The following KLK3 variants were observed in gnomAD, a reference collection of about 807,000 sequenced individuals.
KLK3 encodes prostate-specific antigen.
A neutral mutation model predicts 27.7 loss-of-function variants in KLK3; 23 were observed. The ratio of observed to expected loss-of-function variants is 0.83; its 90% CI spans 0.60 to 1.17. The LOEUF (loss-of-function observed/expected upper bound fraction) is 1.17. Ranked by LOEUF, KLK3 falls within the 50% of genes most tolerant of loss-of-function variation. The probability of loss-of-function intolerance (pLI) is 0.00; values close to 1 mark genes in which losing one functional copy is unlikely to be tolerated. For synonymous variants in KLK3, 142 were observed against 134.2 expected (o/e 1.06, Z -0.40); for missense variants, 322 against 338.1 (o/e 0.95, Z 0.37).
At chr19:50,856,031 A>G (rs1382573244) in intron 1 of KLK3, 2 of 561,924 alleles carry the variant, frequency 3.6e-6, no homozygotes, top group Non-Finnish European at 3.2e-6. Context: ...AAGCCTCTCC[A>G]CCAGCACCAG....
Position 50,856,299 on chromosome 19 carries a change from C to T in KLK3, c.106C>T (p.Gln36Ter), listed in dbSNP as rs747908647. The T allele has an allele frequency of 4.3e-6, 7 of 1,613,344 alleles. No individual in the cohort carries two copies. In the Admixed American group the frequency reaches 8.3e-5, roughly 19 times the overall value. Residue 36 changes from glutamine to a stop codon, truncating the protein, a stop_gained, in exon 2 of 5, where the codon CAA becomes TAA. Coordinates refer to ENST00000326003, the MANE Select transcript of KLK3 (RefSeq NM_001648.2). LOFTEE classifies it high-confidence loss of function. ...AGGCTGGGAGTGCGAGAAGCATTCCCAACCCTGGCAGGTGCTTGTGGCCTC... is the reference window on the plus strand; with the variant it reads ...AGGCTGGGAGTGCGAGAAGCATTCCTAACCCTGGCAGGTGCTTGTGGCCTC... ...VGGWECEKHSQPWQVLVASRG... is the reference protein window; with the variant it reads ...VGGWECEKHS
rs372190695 is a variant in KLK3, at chr19:50,858,496, T to C, written c.531T>C (p.His177=). 37 of 1,614,090 alleles carry C rather than the reference T, an allele frequency of 2.3e-5. 1 individual carries two copies. The Admixed American group carries it at 5.0e-4, about 22-fold the overall frequency. ...TPKKLQCVDL[H]VISNDVCAQV... ...AGAAACTTCAGTGTGTGGACCTCCA[T>C]GTTATTTCCAATGACGTGTGTGCGC... is the stretch of plus-strand genomic sequence containing the variant. Residue 177 remains histidine (H), a synonymous_variant, in exon 4 of 5, where the codon CAT becomes CAC. Transcript: ENST00000326003.
rs548476435 is a variant in KLK3 at position 50,860,098 on chromosome 19, A to G, written c.757A>G (p.Ile253Val). The change falls in exon 5 of 5, where the codon ATC becomes GTC. Residue 253 changes from isoleucine (I) to valine (V), a missense_variant. By Grantham distance (29) the Ile-to-Val change is conservative. Coordinates refer to ENST00000326003, the MANE Select transcript of KLK3 (RefSeq NM_001648.2). ...YTKVVHYRKW[I>V]KDTIVANP The stretch of plus-strand genomic sequence containing the variant: ...CAAGGTGGTGCATTACCGGAAGTGG[A>G]TCAAGGACACCATCGTGGCCAACCC... The G allele has an allele frequency of 6.2e-7, 1 of 1,613,932 alleles. No individual in the cohort carries two copies. The highest frequency in any genetic ancestry group is 1.7e-5 in the Admixed American group (1 of 60,010).
intron 4 of KLK3, 104 bp downstream of exon 4, chr19:50,858,699 C>T (rs897562129): frequency 7.7e-7 from 1 of 1,297,376 alleles, no homozygotes; most frequent in Non-Finnish European, 1.1e-6. Flanking sequence ...CCCCTGCTCC[C>T]CAGCTGTAGC....
chr19:50,856,291 A>C lies in KLK3; in HGVS notation c.98A>C (p.Lys33Thr), dbSNP rs1379720667. The C allele has an allele frequency of 1.2e-6, 2 of 1,613,220 alleles. No individual in the cohort carries two copies. Among genetic ancestry groups the C allele is most frequent in the South Asian group, 2.2e-5 (2 of 91,034 alleles). ...ATTGTGGGAGGCTGGGAGTGCGAGA[A>C]GCATTCCCAACCCTGGCAGGTGCTT... ...SRIVGGWECE[K>T]HSQPWQVLVA... The change falls in exon 2 of 5, where the codon AAG (lysine) becomes ACG (threonine). Residue 33 changes from lysine (K) to threonine (T), a missense_variant. Physicochemically the swap from Lys to Thr is moderately conservative, Grantham distance 78. Transcript: ENST00000326003.
intron 4 of KLK3, chr19:50,859,672 G>A (rs2090172346): frequency 1.0e-5 from 16 of 1,602,740 alleles, no homozygotes; most frequent in Non-Finnish European, 1.3e-5. Context: ...ACAGCATCCT[G>A]CAGATGGTCC....
intron 1 of KLK3, chr19:50,855,372 A>T: frequency 3.7e-6 from 1 of 267,298 alleles, no homozygotes; most frequent in Non-Finnish European, 7.2e-6. Context: ...TCACTGGTCC[A>T]CCTCCTGAGC....
chr19:50,856,480 T>TCTAA, intron 2 of KLK3, 81 bp downstream of exon 2: 1 of 1,519,104 alleles, frequency 6.6e-7, no homozygotes, highest in Non-Finnish European at 8.9e-7. Flanking sequence ...CAGGATAACC[T>TCTAA]CTAAGGCCAG....
Position 50,858,455 on chromosome 19 carries a change from G to C in KLK3, c.494-4G>C. Reference sequence around the variant, plus strand: ...CCACAACAGTGTTTTTGCCTGGCCCGTAGTCTTGACCCCAAAGAAACTTCA... The same window carrying C: ...CCACAACAGTGTTTTTGCCTGGCCCCTAGTCTTGACCCCAAAGAAACTTCA... On this transcript the variant is annotated splice_polypyrimidine_tract_variant and splice_region_variant and intron_variant, in intron 3 of 4. Coordinates refer to ENST00000326003, the MANE Select transcript of KLK3 (RefSeq NM_001648.2). 6.2e-7 allele frequency: 1 copy of C among 1,614,176 alleles called. No homozygotes were observed. Among genetic ancestry groups the C allele is most frequent in the Non-Finnish European group, 8.5e-7 (1 of 1,179,998 alleles).
chr19:50,859,021 G>C (rs2090167484), intron 4 of KLK3: 1 of 278,994 alleles, frequency 3.6e-6, no homozygotes, highest in South Asian at 1.1e-4. Flanking sequence ...TGGGGAGTGT[G>C]ACTGGGAGGA....
chr19:50,860,087 A>G lies in KLK3; in HGVS notation c.746A>G (p.Tyr249Cys). The G allele has an allele frequency of 6.2e-7, 1 of 1,614,026 alleles. No individual in the cohort carries two copies. Among genetic ancestry groups the G allele is most frequent in the Non-Finnish European group, 8.5e-7 (1 of 1,179,920 alleles). ...RPSLYTKVVH[Y>C]RKWIKDTIVA... ...TCCCTGTACACCAAGGTGGTGCATT[A>G]CCGGAAGTGGATCAAGGACACCATC... The change falls in exon 5 of 5, where the codon TAC becomes TGC. Residue 249 changes from tyrosine to cysteine, a missense_variant. Transcript: ENST00000326003.
chr19:50,854,917 C>T lies in KLK3; in HGVS notation c.-39C>T, dbSNP rs371797932. 3.4e-5 allele frequency: 55 copies of T among 1,611,662 alleles called. No homozygotes were observed. The highest frequency in any genetic ancestry group is 4.1e-5 in the Non-Finnish European group (48 of 1,178,196). ...AGGGCTCCTGGGGGAGGCTCCCCAG[C>T]CCCAAGCTTACCACCTGCACCCGGA... On this transcript the variant is annotated 5_prime_UTR_variant, in exon 1 of 5. Transcript: ENST00000326003.
rs139911579 is a variant in KLK3, at chr19:50,856,286, C to G, written c.93C>G (p.Cys31Trp). The change falls in exon 2 of 5, where the codon TGC becomes TGG. Residue 31 changes from cysteine to tryptophan, a missense_variant. Cys to Trp is a radical substitution (Grantham distance 215, BLOSUM62 -2). Coordinates refer to ENST00000326003, the MANE Select transcript of KLK3 (RefSeq NM_001648.2). Reference sequence around the variant, plus strand: ...CTCGGATTGTGGGAGGCTGGGAGTGCGAGAAGCATTCCCAACCCTGGCAGG... The same window carrying G: ...CTCGGATTGTGGGAGGCTGGGAGTGGGAGAAGCATTCCCAACCCTGGCAGG... ...ILSRIVGGWE[C>W]EKHSQPWQVL... The G allele has an allele frequency of 1.2e-6, 2 of 1,613,122 alleles. No homozygotes were observed. The highest frequency in any genetic ancestry group is 3.3e-5 in the Admixed American group (2 of 60,002).
Position 50,856,301 on chromosome 19 carries a change from AC to A in KLK3, c.111del (p.Trp38GlyfsTer35). The A allele has an allele frequency of 6.2e-7, 1 of 1,613,322 alleles. No homozygotes were observed. The highest frequency in any genetic ancestry group is 8.5e-7 in the Non-Finnish European group (1 of 1,179,998). ...GCTGGGAGTGCGAGAAGCATTCCCAACCCTGGCAGGTGCTTGTGGCCTCTCG... is the reference window on the plus strand; with the variant it reads ...GCTGGGAGTGCGAGAAGCATTCCCAACCTGGCAGGTGCTTGTGGCCTCTCG... ...GGWECEKHSQ[P>X]WQVLVASRGR... On this transcript the variant is annotated frameshift_variant, in exon 2 of 5. Transcript: ENST00000326003. LOFTEE classifies it high-confidence loss of function.
At chr19:50,856,497 G>A in intron 2 of KLK3, 98 bp downstream of exon 2, 7 of 1,433,230 alleles carry the variant, frequency 4.9e-6, no homozygotes, top group South Asian at 2.6e-5. Context: ...CCAGCCTTGG[G>A]ACTGGGGGAG....
At chr19:50,857,805 C>T in intron 2 of KLK3, 2 of 542,936 alleles carry the variant, frequency 3.7e-6, no homozygotes, top group South Asian at 2.6e-5. Flanking sequence ...TACCCTCTTC[C>T]TTTTTCCCTT....
intron 4 of KLK3, 167 bp downstream of exon 4, chr19:50,858,762 C>A (rs934692164): frequency 2.8e-6 from 2 of 709,064 alleles, no homozygotes; most frequent in Non-Finnish European, 4.7e-6. Flanking sequence ...TTCTTTGACT[C>A]CCTCAAGGCA....
At chr19:50,856,464 T>G in intron 2 of KLK3, 65 bp downstream of exon 2, 1 of 1,566,566 alleles carries the variant, frequency 6.4e-7, no homozygotes, top group Non-Finnish European at 8.7e-7. Flanking sequence ...AGCTGGGCAT[T>G]TTCCCCAGGA....
intron 1 of KLK3, chr19:50,855,362 T>G: frequency 3.4e-6 from 1 of 290,874 alleles, no homozygotes. Flanking sequence ...TTGGACCGTA[T>G]CACTGGTCCA....
Sources: allele counts gnomAD v4.1 joint callset, GRCh38; gene constraint gnomAD v4.1.1; transcripts MANE v1.5; gene names NCBI Gene and HGNC (gene_info 2026-07-23, HGNC 2026-07-21).